The following LRMDA variants were observed in gnomAD, a reference collection of about 807,000 sequenced individuals.
The protein encoded by LRMDA is leucine rich melanocyte differentiation associated.
Under a neutral mutation model 29.8 loss-of-function variants are expected in LRMDA, and 18 were observed. The ratio of observed to expected loss-of-function variants is 0.60; its 90% CI spans 0.42 to 0.90. LRMDA has a LOEUF of 0.90. Ranked by LOEUF, LRMDA falls within the 40% of genes least tolerant of loss-of-function variation. The pLI is 0.00. For synonymous variants in LRMDA, 125 were observed against 109.4 expected, an observed-to-expected ratio of 1.14 and a Z score of -0.89; for missense variants, 273 against 273.9, an observed-to-expected ratio of 1.00 and a Z score of 0.02.
chr10:76,345,013 A>ACT (rs1369052476), intron 6 of LRMDA, among the ~76,000 whole-genome samples: 2 of 146,720 alleles, frequency 1.4e-5, no homozygotes, highest in African/African-American at 5.1e-5. Flanking sequence ...TATTAGAAAT[A>ACT]CTCTTGATTT....
At chr10:76,147,032 C>T (rs1246144511) in intron 5 of LRMDA, among the ~76,000 whole-genome samples, 4 of 152,330 alleles carry the variant, frequency 2.6e-5, no homozygotes, top group African/African-American at 9.6e-5. Context: ...TTCTGGCTTG[C>T]AGAGTTTCTG....
chr10:76,392,956 A>T (rs4115411), intron 6 of LRMDA, among the ~76,000 whole-genome samples: 3 of 151,872 alleles, frequency 2.0e-5, no homozygotes, highest in African/African-American at 4.8e-5. Context: ...TTTCTTTGCC[A>T]GGCATATTTT....
At chr10:75,725,191 A>G (rs1478523156) in intron 2 of LRMDA, among the ~76,000 whole-genome samples, 1 of 152,216 alleles carries the variant, frequency 6.6e-6, no homozygotes, top group Non-Finnish European at 1.5e-5. Flanking sequence ...GAACTGGAGA[A>G]TCCAATCCCC....
At chr10:76,144,892 T>C (rs142545566) in intron 5 of LRMDA, among the ~76,000 whole-genome samples, 3,072 of 152,292 alleles carry the variant, frequency 0.02, 110 homozygotes, top group African/African-American at 0.07. Flanking sequence ...ATTGAGAGTT[T>C]TTAGCATGAA....
intron 2 of LRMDA, among the ~76,000 whole-genome samples, chr10:75,558,793 A>C (rs7901106): frequency 7.0e-6 from 1 of 141,890 alleles, no homozygotes; most frequent in Admixed American, 7.3e-5. Context: ...TTGGTTTTTT[A>C]TCCTTGCGAT....
intron 2 of LRMDA, among the ~76,000 whole-genome samples, chr10:75,962,613 A>G (rs1846789015): frequency 6.6e-6 from 1 of 152,218 alleles, no homozygotes; most frequent in Admixed American, 6.5e-5. Flanking sequence ...AGCCTAGTAA[A>G]TGATCGCAGC....
intron 4 of LRMDA, among the ~76,000 whole-genome samples, chr10:76,048,231 T>G (rs1848473450): frequency 6.6e-6 from 1 of 152,168 alleles, no homozygotes; most frequent in African/African-American, 2.4e-5. Context: ...TGTATATGTA[T>G]GTGTACACAC....
intron 2 of LRMDA, among the ~76,000 whole-genome samples, chr10:75,493,155 G>A (rs1437782035): frequency 6.6e-6 from 1 of 152,072 alleles, no homozygotes; most frequent in Non-Finnish European, 1.5e-5. Flanking sequence ...ACTGCTGTGA[G>A]TTTAAGATTA....
intron 2 of LRMDA, among the ~76,000 whole-genome samples, chr10:76,013,953 A>C (rs1847830000): frequency 6.6e-6 from 1 of 151,244 alleles, no homozygotes; most frequent in Admixed American, 6.6e-5. Context: ...GACTGATGGC[A>C]GGAGGTTGGT....
At chr10:75,725,457 A>G (rs973035728) in intron 2 of LRMDA, among the ~76,000 whole-genome samples, 3 of 152,202 alleles carry the variant, frequency 2.0e-5, no homozygotes, top group African/African-American at 7.2e-5. Flanking sequence ...AGATGAATCA[A>G]TCTGTTTCTG....
intron 6 of LRMDA, among the ~76,000 whole-genome samples, chr10:76,451,232 C>T (rs1457141402): frequency 2.0e-5 from 3 of 151,394 alleles, no homozygotes; most frequent in East Asian, 1.9e-4. Context: ...GACAGAGTCT[C>T]GCTCTATCGC....
In LRMDA at chr10:76,498,796, G is replaced by A. The variant is rs1217011735; in HGVS notation, c.602-58413G>A. On this transcript the variant is annotated intron_variant, in intron 6 of 6. Coordinates refer to ENST00000611255, the MANE Select transcript of LRMDA (RefSeq NM_001305581.2). ...GCCTTTGTTTTCTAGCATCTTCATC[G>A]GTGCTTGCAACTGAAATGGGTCTTC... is the stretch of plus-strand genomic sequence containing the variant. Among the ~76,000 whole-genome samples, 32 of 75,516 alleles carry A rather than the reference G, an allele frequency of 4.2e-4. 8 individuals are homozygous for A. Among genetic ancestry groups the A allele is most frequent in the African/African-American group, 1.0e-3 (32 of 31,066 alleles). 49.5% of individuals were successfully genotyped at this position (75,516 alleles called of 152,430 possible).
At chr10:76,191,375 G>T (rs1387389056) in intron 5 of LRMDA, among the ~76,000 whole-genome samples, 1 of 152,150 alleles carries the variant, frequency 6.6e-6, no homozygotes, top group African/African-American at 2.4e-5. Context: ...CAAATCTGAA[G>T]CTTTGAAATG....
intron 2 of LRMDA, among the ~76,000 whole-genome samples, chr10:75,635,801 T>TA (rs374206021): frequency 3.9e-5 from 6 of 152,276 alleles, no homozygotes; most frequent in African/African-American, 1.4e-4. Flanking sequence ...TATTTTTTTT[T>TA]TTTTAAAACG....
chr10:75,887,269 A>G (rs1469238851), intron 2 of LRMDA, among the ~76,000 whole-genome samples: 1 of 151,914 alleles, frequency 6.6e-6, no homozygotes, highest in Non-Finnish European at 1.5e-5. Context: ...TATTCCTTAT[A>G]GTCTCAAAAT....
At chr10:75,735,489 A>G (rs1009745584) in intron 2 of LRMDA, among the ~76,000 whole-genome samples, 1 of 152,178 alleles carries the variant, frequency 6.6e-6, no homozygotes, top group African/African-American at 2.4e-5. Context: ...AAAACATCAC[A>G]TTCAGCCTAA....
At chr10:75,936,198 C>T (rs1007325530) in intron 2 of LRMDA, among the ~76,000 whole-genome samples, 1 of 151,912 alleles carries the variant, frequency 6.6e-6, no homozygotes, top group African/African-American at 2.4e-5. Flanking sequence ...TGTCTGTGGG[C>T]GTGAGAAGTG....
chr10:75,941,231 G>A (rs961642709), intron 2 of LRMDA, among the ~76,000 whole-genome samples: 2 of 152,170 alleles, frequency 1.3e-5, no homozygotes, highest in African/African-American at 4.8e-5. Context: ...GCCAGCTCCT[G>A]CTCTTCTGGC....
At chr10:76,285,569 G>T (rs1473494113) in intron 5 of LRMDA, among the ~76,000 whole-genome samples, 2 of 152,164 alleles carry the variant, frequency 1.3e-5, no homozygotes, top group African/African-American at 2.4e-5. Context: ...GTGATAGGTA[G>T]GTAGGGAGTG....
Sources: gnomAD v4.1 joint callset for allele counts (sites outside exome capture counted in the v4.1 genomes callset) on GRCh38, gnomAD v4.1.1 for gene constraint, MANE v1.5 for transcripts, NCBI Gene and HGNC (gene_info 2026-07-23, HGNC 2026-07-21) for gene names.